TRAF3IP1: variants seen among roughly 807,000 people sequenced by gnomAD.
TRAF3IP1 encodes TRAF3-interacting protein 1.
TRAF3IP1 carries 53 observed loss-of-function variants against 89.9 expected under a neutral mutation model. The observed-to-expected ratio is 0.59, with a 90% CI of 0.47 to 0.74. TRAF3IP1 has a LOEUF of 0.74. TRAF3IP1 is among the 30% of genes least tolerant of loss of function. TRAF3IP1 has a pLI of 0.00. For missense variants in TRAF3IP1, 806 were observed against 866.1 expected (o/e 0.93, Z 0.87); for synonymous variants, 311 against 322.1 (o/e 0.97, Z 0.37).
At chr2:238,374,786 A>G (rs1348368478) in intron 15 of TRAF3IP1, among the ~76,000 whole-genome samples, 2 of 152,128 alleles carry the variant, frequency 1.3e-5, no homozygotes, top group East Asian at 3.9e-4. Flanking sequence ...GTAGGCTATT[A>G]ATTATTGCCT....
intron 15 of TRAF3IP1, among the ~76,000 whole-genome samples, chr2:238,362,474 T>C (rs1240875403): frequency 1.3e-5 from 2 of 152,148 alleles, no homozygotes; most frequent in Non-Finnish European, 1.5e-5. Flanking sequence ...GCCTTCTGCC[T>C]CATTCCTCCA....
chr2:238,363,463 A>T (rs903680653), intron 15 of TRAF3IP1, among the ~76,000 whole-genome samples: 1 of 152,152 alleles, frequency 6.6e-6, no homozygotes, highest in African/African-American at 2.4e-5. Flanking sequence ...TTAGTTTTTT[A>T]CACATAAAGA....
chr2:238,390,768 G>A (rs138169268), intron 15 of TRAF3IP1, among the ~76,000 whole-genome samples: 3 of 151,972 alleles, frequency 2.0e-5, no homozygotes, highest in Non-Finnish European at 2.9e-5. Flanking sequence ...CCATTTTCTT[G>A]TGAGGAAGCT....
rs767479268 is a variant in TRAF3IP1, at chr2:238,328,912, T to A, written c.499-14T>A. ...GTAAAAATATTCATAAATGATTTTA[T>A]TTTTATTTCGTAGGATAGAGGAGAC... is the stretch of plus-strand genomic sequence containing the variant. On this transcript the variant is annotated splice_polypyrimidine_tract_variant and intron_variant, in intron 4 of 16. Transcript: ENST00000373327. 2 of 1,570,744 alleles carry A rather than the reference T, an allele frequency of 1.3e-6. No individual in the cohort carries two copies. Among genetic ancestry groups the A allele is most frequent in the South Asian group, 2.4e-5 (2 of 84,554 alleles).
chr2:238,393,073 A>G (rs913862896), intron 15 of TRAF3IP1, among the ~76,000 whole-genome samples: 2 of 152,184 alleles, frequency 1.3e-5, no homozygotes, highest in Admixed American at 6.5e-5. Context: ...CAGGAGTACA[A>G]CTGTTGGTTG....
intron 1 of TRAF3IP1, among the ~76,000 whole-genome samples, chr2:238,321,898 C>T (rs1697565928): frequency 6.6e-6 from 1 of 152,232 alleles, no homozygotes; most frequent in South Asian, 2.1e-4. Flanking sequence ...CTTGCACAGA[C>T]TTTGCTTTAC....
At chr2:238,336,506 A>G (rs2106374901) in intron 7 of TRAF3IP1, among the ~76,000 whole-genome samples, 1 of 152,278 alleles carries the variant, frequency 6.6e-6, no homozygotes, top group Non-Finnish European at 1.5e-5. Flanking sequence ...AGACTTTACT[A>G]CAGGGTGTGA....
chr2:238,392,594 C>T (rs1267966664), intron 15 of TRAF3IP1, among the ~76,000 whole-genome samples: 2 of 150,490 alleles, frequency 1.3e-5, no homozygotes, highest in African/African-American at 2.4e-5. Context: ...TTTCTTGAGA[C>T]GGAGTTTTGC....
chr2:238,392,731 C>T (rs552694595), intron 15 of TRAF3IP1, among the ~76,000 whole-genome samples: 86 of 152,346 alleles, frequency 5.6e-4, no homozygotes, highest in African/African-American at 2.0e-3. Flanking sequence ...CATGCGCCAC[C>T]GCGCCCAGCT....
At chr2:238,329,826 C>G (rs1329122292) in intron 5 of TRAF3IP1, among the ~76,000 whole-genome samples, 1 of 152,140 alleles carries the variant, frequency 6.6e-6, no homozygotes, top group Non-Finnish European at 1.5e-5. Context: ...TGGAATTGAT[C>G]AATTGATGGT....
intron 8 of TRAF3IP1, among the ~76,000 whole-genome samples, chr2:238,340,446 T>C (rs2106380001): frequency 6.6e-6 from 1 of 152,300 alleles, no homozygotes; most frequent in Non-Finnish European, 1.5e-5. Context: ...TGGGTCATCA[T>C]CAGAGAATTT....
chr2:238,357,663 G>A (rs1699480610), intron 15 of TRAF3IP1, among the ~76,000 whole-genome samples: 1 of 152,162 alleles, frequency 6.6e-6, no homozygotes, highest in Admixed American at 6.5e-5. Context: ...TTTTTTCATT[G>A]ATGGAATGTT....
chr2:238,330,792 G>T (rs978346755), intron 5 of TRAF3IP1, among the ~76,000 whole-genome samples: 1 of 152,012 alleles, frequency 6.6e-6, no homozygotes, highest in East Asian at 1.9e-4. Flanking sequence ...GTAATTGAAC[G>T]TAGTGTTCTA....
rs1218708736 is a variant in TRAF3IP1 at position 238,326,843 on chromosome 2, G to GC, written c.354+880dup. Among the ~76,000 whole-genome samples, 8 of 152,014 alleles carry GC rather than the reference G, an allele frequency of 5.3e-5. No individual in the cohort carries two copies. In the East Asian group the frequency reaches 1.2e-3, roughly 22 times the overall value. On this transcript the variant is annotated intron_variant, in intron 3 of 16. Coordinates refer to ENST00000373327, the MANE Select transcript of TRAF3IP1 (RefSeq NM_015650.4). ...GTGGTATCAGGCCGACTCCTAGGAG[G>GC]CCCCCCCAGTGCAGGTCCAGCATGC...
chr2:238,395,832 C>T (rs1701190063), intron 15 of TRAF3IP1, among the ~76,000 whole-genome samples: 1 of 152,144 alleles, frequency 6.6e-6, no homozygotes, highest in African/African-American at 2.4e-5. Flanking sequence ...CAATGAGATA[C>T]CATCTCACAC....
chr2:238,321,726 C>G (rs932480226), intron 1 of TRAF3IP1, among the ~76,000 whole-genome samples: 1 of 152,208 alleles, frequency 6.6e-6, no homozygotes, highest in Non-Finnish European at 1.5e-5. Flanking sequence ...GGGCGCAGCA[C>G]CCATTTCCAT....
intron 15 of TRAF3IP1, among the ~76,000 whole-genome samples, chr2:238,382,456 T>C (rs1700587270): frequency 6.6e-6 from 1 of 152,158 alleles, no homozygotes. Flanking sequence ...AATTTCACGA[T>C]TGTAAAGGAA....
chr2:238,320,855 G>GGCCGGGTGGC (rs1697494298), intron 1 of TRAF3IP1, 70 bp downstream of exon 1: 1 of 1,217,904 alleles, frequency 8.2e-7, no homozygotes, highest in African/African-American at 1.6e-5. Flanking sequence ...TCAGGGCCCG[G>GGCCGGGTGGC]GCCGGGTGGC....
intron 9 of TRAF3IP1, chr2:238,347,108 C>A: frequency 4.0e-6 from 1 of 247,016 alleles, no homozygotes; most frequent in Non-Finnish European, 7.8e-6. Flanking sequence ...TTGCATCGTT[C>A]CCTCACATTT....
Sources: gnomAD v4.1 joint callset for allele counts (sites outside exome capture counted in the v4.1 genomes callset) on GRCh38, gnomAD v4.1.1 for gene constraint, MANE v1.5 for transcripts, NCBI Gene and HGNC (gene_info 2026-07-23, HGNC 2026-07-21) for gene names.